Variants in BRD7 observed in about 807,000 individuals in gnomAD.
BRD7 encodes bromodomain containing 7.
A neutral mutation model predicts 82.1 loss-of-function variants in BRD7; 15 were observed. The observed-to-expected ratio is 0.18, with a 90% CI of 0.12 to 0.28. The LOEUF is 0.28. Among genes scored for constraint, BRD7 ranks in the 10% least tolerant of loss-of-function variants. The pLI is 1.00. For synonymous variants in BRD7, 232 were observed against 266.9 expected (o/e 0.87, Z 1.27); for missense variants, 638 against 779.9 (o/e 0.82, Z 2.17).
In BRD7 at chr16:50,339,168, T is replaced by G. The variant is rs74607696; in HGVS notation, c.702+808A>C. Among the ~76,000 whole-genome samples, 9 of 152,390 alleles carry G rather than the reference T, an allele frequency of 5.9e-5. No individual in the cohort carries two copies. The East Asian group carries it at 1.7e-3, about 29-fold the overall frequency. On this transcript the variant is annotated intron_variant, in intron 6 of 16. Coordinates refer to ENST00000394688, the MANE Select transcript of BRD7 (RefSeq NM_013263.5). ...TGACCTCAAATGACTTACTATGCACTAATTCTTACCCTTTAAGGAAGAGTC... is the reference window on the plus strand; with the variant it reads ...TGACCTCAAATGACTTACTATGCACGAATTCTTACCCTTTAAGGAAGAGTC...
intron 10 of BRD7, 102 bp from the exon 11 acceptor site, chr16:50,325,985 C>A: frequency 8.1e-7 from 1 of 1,241,244 alleles, no homozygotes; most frequent in African/African-American, 1.5e-5. Flanking sequence ...TTTACTACTT[C>A]ATTGGCTGGT....
chr16:50,339,565 C>A (rs775989905), intron 6 of BRD7, among the ~76,000 whole-genome samples: 1 of 152,178 alleles, frequency 6.6e-6, no homozygotes, highest in Non-Finnish European at 1.5e-5. Context: ...TATTATGCAG[C>A]GCATGACTGT....
intron 2 of BRD7, among the ~76,000 whole-genome samples, chr16:50,356,735 T>C (rs925099286): frequency 6.8e-4 from 103 of 151,196 alleles, no homozygotes; most frequent in Admixed American, 8.6e-4. Context: ...TATATATATA[T>C]ATATACACAC....
At chr16:50,329,607 C>T (rs760370536) in intron 8 of BRD7, among the ~76,000 whole-genome samples, 1 of 152,088 alleles carries the variant, frequency 6.6e-6, no homozygotes, top group East Asian at 1.9e-4. Flanking sequence ...TGCGTGAGTA[C>T]AAGGACGCCC....
rs549479026 is a variant in BRD7, at chr16:50,344,980, T to G, written c.592-4894A>C. Among the ~76,000 whole-genome samples, 20 of 152,062 alleles carry G rather than the reference T, an allele frequency of 1.3e-4. No individual in the cohort carries two copies. In the East Asian group the frequency reaches 3.7e-3, roughly 28 times the overall value. ...CACATAATTGTCAGATTCACCAAAG[T>G]TGAAATGAAGGAAAAAATGTTAAGG... On this transcript the variant is annotated intron_variant, in intron 5 of 16. Transcript: ENST00000394688.
At chr16:50,356,510 A>C (rs1196821692) in intron 2 of BRD7, among the ~76,000 whole-genome samples, 1 of 152,186 alleles carries the variant, frequency 6.6e-6, no homozygotes, top group Non-Finnish European at 1.5e-5. Context: ...TCTGAAGAAA[A>C]GTTGCAGAAC....
intron 4 of BRD7, among the ~76,000 whole-genome samples, chr16:50,350,796 A>G (rs560167477): frequency 6.6e-6 from 1 of 152,278 alleles, no homozygotes; most frequent in East Asian, 1.9e-4. Flanking sequence ...GATTCACAAC[A>G]CTGGCTGTAC....
intron 8 of BRD7, among the ~76,000 whole-genome samples, chr16:50,332,380 A>T (rs2037605558): frequency 6.6e-6 from 1 of 152,222 alleles, no homozygotes; most frequent in Non-Finnish European, 1.5e-5. Context: ...GAAGACATAC[A>T]AGCAGCCAAC....
At chr16:50,368,421 A>G (rs1055275142) in intron 1 of BRD7, 123 bp from the exon 2 acceptor site, 2 of 1,085,732 alleles carry the variant, frequency 1.8e-6, no homozygotes, top group Non-Finnish European at 2.6e-6. Flanking sequence ...CGCTCCGCGA[A>G]GCACCTGTTG....
At chr16:50,359,335 C>G (rs1042204885) in intron 2 of BRD7, among the ~76,000 whole-genome samples, 1 of 152,138 alleles carries the variant, frequency 6.6e-6, no homozygotes, top group Admixed American at 6.5e-5. Context: ...TTTTTGGAGT[C>G]TAACGTTCTA....
chr16:50,331,257 A>G (rs1348436834), intron 8 of BRD7, among the ~76,000 whole-genome samples: 1 of 152,252 alleles, frequency 6.6e-6, no homozygotes, highest in Non-Finnish European at 1.5e-5. Flanking sequence ...CTACAGATTC[A>G]ATGCTATTCC....
At chr16:50,351,107 T>C (rs2038504201) in intron 4 of BRD7, among the ~76,000 whole-genome samples, 1 of 152,202 alleles carries the variant, frequency 6.6e-6, no homozygotes, top group Non-Finnish European at 1.5e-5. Flanking sequence ...AAATATGGTT[T>C]AAAAAATAAC....
Position 50,323,711 on chromosome 16 carries a change from G to A in BRD7, c.1332-13C>T. On this transcript the variant is annotated splice_polypyrimidine_tract_variant and intron_variant, in intron 11 of 16. Coordinates refer to ENST00000394688, the MANE Select transcript of BRD7 (RefSeq NM_013263.5). The stretch of plus-strand genomic sequence containing the variant: ...AAACTCATGGATGCTGCAAGAGACA[G>A]TTAGGAAAGTCTCACATAAATCACC... The A allele has an allele frequency of 6.3e-7, 1 of 1,597,636 alleles. No individual in the cohort carries two copies. The highest frequency in any genetic ancestry group is 8.6e-7 in the Non-Finnish European group (1 of 1,165,360).
At chr16:50,366,696 A>C (rs765047346) in intron 2 of BRD7, among the ~76,000 whole-genome samples, 1 of 152,248 alleles carries the variant, frequency 6.6e-6, no homozygotes, top group Non-Finnish European at 1.5e-5. Flanking sequence ...TAAGTAGGCA[A>C]GGAAAAATAC....
chr16:50,330,152 T>C (rs1204674377), intron 8 of BRD7, among the ~76,000 whole-genome samples: 2 of 152,196 alleles, frequency 1.3e-5, no homozygotes, highest in Non-Finnish European at 2.9e-5. Context: ...TTTTCTGTAT[T>C]GTATTACCTG....
At chr16:50,324,976 C>A (rs1297346637) in intron 11 of BRD7, among the ~76,000 whole-genome samples, 1 of 152,248 alleles carries the variant, frequency 6.6e-6, no homozygotes, top group Non-Finnish European at 1.5e-5. Flanking sequence ...AACCAAACCA[C>A]ACTTACTAAT....
rs181114738 is a variant in BRD7, at chr16:50,327,523, T to C, written c.1088-1132A>G. 6.6e-5 allele frequency among the ~76,000 whole-genome samples: 10 copies of C among 152,378 alleles called. No homozygotes were observed. In the East Asian group the frequency reaches 1.7e-3, roughly 26 times the overall value. ...CTGAGTTTTGTTTTGAAAACAGCAC[T>C]AGCTCCTTTTCTTCTATTACTGTTC... is the stretch of plus-strand genomic sequence containing the variant. On this transcript the variant is annotated intron_variant, in intron 9 of 16. Transcript: ENST00000394688.
In BRD7 at chr16:50,338,806, G is replaced by T. The variant is rs527612806; in HGVS notation, c.702+1170C>A. 2.2e-4 allele frequency among the ~76,000 whole-genome samples: 34 copies of T among 152,300 alleles called. 1 individual carries two copies. The highest frequency in any genetic ancestry group is 2.1e-3 in the Admixed American group (32 of 15,304). On this transcript the variant is annotated intron_variant, in intron 6 of 16. Coordinates refer to ENST00000394688, the MANE Select transcript of BRD7 (RefSeq NM_013263.5). The stretch of plus-strand genomic sequence containing the variant: ...TTAATGTCTTGCCCAAAGTCCACAA[G>T]TTAGTGGAAGAGAGCTAAAATGAAA...
intron 11 of BRD7, 26 bp downstream of exon 11, chr16:50,325,722 A>C: frequency 6.4e-7 from 1 of 1,567,994 alleles, no homozygotes; most frequent in Non-Finnish European, 8.6e-7. Flanking sequence ...AAACAAATGT[A>C]ATCAGAATAT....
Sources: gnomAD v4.1 joint callset for allele counts (sites outside exome capture counted in the v4.1 genomes callset) on GRCh38, gnomAD v4.1.1 for gene constraint, MANE v1.5 for transcripts, NCBI Gene and HGNC (gene_info 2026-07-23, HGNC 2026-07-21) for gene names.